The following WDR27 variants were observed in gnomAD, a reference collection of about 807,000 sequenced individuals.
The protein encoded by WDR27 is WD repeat-containing protein 27.
A neutral mutation model predicts 114.4 loss-of-function variants in WDR27; 100 were observed. The observed-to-expected ratio is 0.87, with a 90% confidence interval of 0.74 to 1.03. WDR27 has a LOEUF of 1.03. Ranked by LOEUF, WDR27 falls within the 50% of genes least tolerant of loss-of-function variation. The pLI is 0.00. For synonymous variants in WDR27, 449 were observed against 423.1 expected, an observed-to-expected ratio of 1.06 and a Z score of -0.75; for missense variants, 1,129 against 1,092.9, an observed-to-expected ratio of 1.03 and a Z score of -0.47.
chr6:169,672,144 G>A lies in WDR27; in HGVS notation c.331+111C>T, dbSNP rs73240771. On this transcript the variant is annotated intron_variant, in intron 3 of 25. Coordinates refer to ENST00000448612, the MANE Select transcript of WDR27 (RefSeq NM_182552.5). ...AGTACAAAATTATCCCAAACCCCCC[G>A]AGGGACTGCTGTTACCCAAGGGAAA... is the stretch of plus-strand genomic sequence containing the variant. The A allele has an allele frequency of 2.9e-4, 328 of 1,125,260 alleles. No individual in the cohort carries two copies. In the African/African-American group the frequency reaches 3.2e-3, roughly 11 times the overall value. 69.7% of individuals were successfully genotyped at this position (1,125,260 alleles called of 1,614,324 possible). A position where few individuals can be genotyped will look rare whatever the true frequency, so the allele number is the denominator to read the frequency against.
intron 1 of WDR27, among the ~76,000 whole-genome samples, chr6:169,689,941 T>C (rs1229999182): frequency 2.0e-5 from 3 of 151,560 alleles, no homozygotes; most frequent in Admixed American, 2.0e-4. Flanking sequence ...ATTCAGAGGA[T>C]CCACCCATGC....
chr6:169,566,112 T>C (rs1374113526), intron 25 of WDR27, among the ~76,000 whole-genome samples: 2 of 151,020 alleles, frequency 1.3e-5, no homozygotes, highest in African/African-American at 4.8e-5. Context: ...AGGAACCAGA[T>C]CAATTATGTA....
the WDR27 span, among the ~76,000 whole-genome samples, chr6:169,449,764 T>A: frequency 6.6e-6 from 1 of 152,138 alleles, no homozygotes; most frequent in African/African-American, 2.4e-5. Flanking sequence ...CATCCCGACC[T>A]AGGAAGGCAT....
intron 1 of WDR27, among the ~76,000 whole-genome samples, chr6:169,698,663 C>T (rs535012775): frequency 6.6e-6 from 1 of 152,232 alleles, no homozygotes; most frequent in Non-Finnish European, 1.5e-5. Flanking sequence ...CCTCTGAAGT[C>T]GAGGGCAGCC....
chr6:169,510,457 A>C (rs1792666222), intron 25 of WDR27, among the ~76,000 whole-genome samples: 1 of 152,092 alleles, frequency 6.6e-6, no homozygotes, highest in African/African-American at 2.4e-5. Context: ...AGCCATAAAA[A>C]ATGATGAGTT....
At chr6:169,670,885 A>T in intron 3 of WDR27, 192 bp from the exon 4 acceptor site, 3 of 676,798 alleles carry the variant, frequency 4.4e-6, no homozygotes, top group South Asian at 4.8e-5. Flanking sequence ...AAACCTGGGG[A>T]ATGCAGCACT....
the WDR27 span, among the ~76,000 whole-genome samples, chr6:169,439,091 G>T: frequency 6.6e-6 from 1 of 151,590 alleles, no homozygotes; most frequent in Non-Finnish European, 1.5e-5. Context: ...TTTTTCAGTT[G>T]GGCCCCAAAA....
intron 14 of WDR27, 105 bp from the exon 15 acceptor site, chr6:169,649,380 G>T: frequency 1.0e-6 from 1 of 990,694 alleles, no homozygotes. Flanking sequence ...AGATATAGAC[G>T]TCTGCATAAA....
intron 23 of WDR27, among the ~76,000 whole-genome samples, chr6:169,592,181 T>C (rs1805872663): frequency 6.6e-6 from 1 of 152,214 alleles, no homozygotes; most frequent in African/African-American, 2.4e-5. Flanking sequence ...CCATTGTTAC[T>C]TGTTTATTCT....
At chr6:169,565,849 G>A (rs927891124) in intron 25 of WDR27, among the ~76,000 whole-genome samples, 1 of 152,150 alleles carries the variant, frequency 6.6e-6, no homozygotes, top group Non-Finnish European at 1.5e-5. Context: ...CAGGTCTCAC[G>A]ATGTTGCCCA....
chr6:169,695,932 G>A (rs376739530), intron 1 of WDR27, among the ~76,000 whole-genome samples: 66 of 152,316 alleles, frequency 4.3e-4, no homozygotes, highest in South Asian at 4.1e-3. Context: ...GCTGAGGCCT[G>A]TGGTGGCCCT....
intron 21 of WDR27, among the ~76,000 whole-genome samples, chr6:169,621,591 C>T (rs1304747455): frequency 6.6e-6 from 1 of 151,894 alleles, no homozygotes; most frequent in Non-Finnish European, 1.5e-5. Context: ...TGCACGCACG[C>T]ATATACATAC....
At chr6:169,509,030 T>C (rs959116635) in intron 25 of WDR27, among the ~76,000 whole-genome samples, 2 of 152,156 alleles carry the variant, frequency 1.3e-5, no homozygotes, top group Non-Finnish European at 1.5e-5. Flanking sequence ...CCATTCACAA[T>C]TGCTTCAATG....
At chr6:169,558,594 A>G (rs1440031889) in intron 25 of WDR27, 1 of 152,178 alleles carries the variant, frequency 6.6e-6, no homozygotes, top group Non-Finnish European at 1.5e-5. Flanking sequence ...AGGCAACAGG[A>G]TGACGAGTCT....
intron 22 of WDR27, among the ~76,000 whole-genome samples, chr6:169,605,191 A>T (rs1381342445): frequency 6.6e-6 from 1 of 151,312 alleles, no homozygotes; most frequent in Non-Finnish European, 1.5e-5. Flanking sequence ...GCTCACTGAT[A>T]ATATAATCTT....
chr6:169,432,002 C>T, the WDR27 span, among the ~76,000 whole-genome samples: 34 of 152,318 alleles, frequency 2.2e-4, no homozygotes, highest in African/African-American at 7.0e-4. Flanking sequence ...ACTTCCTACA[C>T]GTCCTCTTTT....
chr6:169,690,690 T>C (rs114604964), intron 1 of WDR27, among the ~76,000 whole-genome samples: 1,662 of 152,218 alleles, frequency 0.011, 24 homozygotes, highest in African/African-American at 0.038. Flanking sequence ...AGGAATTGCA[T>C]AGAAAGAAAG....
intron 17 of WDR27, among the ~76,000 whole-genome samples, 194 bp downstream of exon 17, chr6:169,643,503 G>A (rs559468051): frequency 1.2e-4 from 19 of 152,200 alleles, no homozygotes; most frequent in East Asian, 1.9e-4. Context: ...GTGCTGCCAC[G>A]CTGTTCTCAT....
chr6:169,593,269 AAGG>A (rs772284712), intron 23 of WDR27, among the ~76,000 whole-genome samples: 54 of 152,188 alleles, frequency 3.5e-4, no homozygotes, highest in Non-Finnish European at 6.5e-4. Context: ...ACTATTTCAC[AAGG>A]AGTTCTTAGG....
Sources: gnomAD v4.1 joint callset for allele counts (sites outside exome capture counted in the v4.1 genomes callset) on GRCh38, gnomAD v4.1.1 for gene constraint, MANE v1.5 for transcripts, NCBI Gene and HGNC (gene_info 2026-07-23, HGNC 2026-07-21) for gene names.